IMMP2L: variants seen among roughly 807,000 people sequenced by gnomAD.
IMMP2L encodes mitochondrial inner membrane protease subunit 2.
IMMP2L carries 18 observed loss-of-function variants against 19.3 expected under a neutral mutation model. That is an observed-to-expected ratio of 0.93 (90% CI 0.64 to 1.38). The LOEUF (loss-of-function observed/expected upper bound fraction) is 1.38. IMMP2L is among the 40% of genes most tolerant of loss of function. IMMP2L has a pLI of 0.00. For synonymous variants in IMMP2L, 76 were observed against 73.0 expected, an observed-to-expected ratio of 1.04 and a Z score of -0.21; for missense variants, 233 against 218.2, an observed-to-expected ratio of 1.07 and a Z score of -0.43.
intron 5 of IMMP2L, among the ~76,000 whole-genome samples, chr7:110,778,872 T>A (rs1255250718): frequency 6.6e-6 from 1 of 151,952 alleles, no homozygotes; most frequent in Non-Finnish European, 1.5e-5. Flanking sequence ...AGTGTCTGCC[T>A]ATTTTGTGGT....
chr7:110,986,902 CTT>C (rs2129558900), intron 3 of IMMP2L, among the ~76,000 whole-genome samples: 2 of 151,572 alleles, frequency 1.3e-5, no homozygotes, highest in South Asian at 4.2e-4. Flanking sequence ...CATATTTTAT[CTT>C]TTAAATATTT....
intron 3 of IMMP2L, among the ~76,000 whole-genome samples, chr7:111,145,475 T>C (rs576698787): frequency 7.9e-5 from 12 of 152,280 alleles, no homozygotes; most frequent in Non-Finnish European, 1.3e-4. Context: ...CAAAAGGCCA[T>C]TGCTCTGGTC....
chr7:111,474,931 T>G (rs1841591719), intron 3 of IMMP2L, among the ~76,000 whole-genome samples: 1 of 152,156 alleles, frequency 6.6e-6, no homozygotes, highest in African/African-American at 2.4e-5. Flanking sequence ...CACTGAAATG[T>G]TTCCTACTGT....
In IMMP2L at chr7:111,555,730, T is replaced by C. The variant is rs187697319; in HGVS notation, c.-3+6121A>G. On this transcript the variant is annotated intron_variant, in intron 1 of 5. Transcript: ENST00000405709. Reference sequence around the variant, plus strand: ...TCTTATGGCAAAAAGCAGAATCTATTTCTTTTTTAAGGCTGAATAATATTC... The same window carrying C: ...TCTTATGGCAAAAAGCAGAATCTATCTCTTTTTTAAGGCTGAATAATATTC... Among the ~76,000 whole-genome samples the C allele has an allele frequency of 1.7e-3, 258 of 152,082 alleles. 5 individuals carry two copies. In the East Asian group the frequency reaches 0.04, roughly 24 times the overall value.
intron 5 of IMMP2L, chr7:110,724,212 G>T (rs1795751787): frequency 6.6e-6 from 1 of 152,138 alleles, no homozygotes; most frequent in African/African-American, 2.4e-5. Context: ...GTATAAAACA[G>T]ATTTCAAGTG....
At chr7:110,681,797 G>T (rs1211289600) in intron 5 of IMMP2L, among the ~76,000 whole-genome samples, 1 of 152,076 alleles carries the variant, frequency 6.6e-6, no homozygotes, top group East Asian at 1.9e-4. Context: ...GTGGAGAAGA[G>T]GTTGTAGGAA....
chr7:111,040,848 A>G (rs1177860426), intron 3 of IMMP2L, among the ~76,000 whole-genome samples: 1 of 151,606 alleles, frequency 6.6e-6, no homozygotes, highest in African/African-American at 2.4e-5. Context: ...GATGTATAAG[A>G]TTTTAACTTG....
rs1796055009 is a variant in IMMP2L, at chr7:110,728,625, C to A, written c.409-64904G>T. ...ATTTTATCTAATCACCTCCTAACTA[C>A]TTTCAAACCAACAAACCCAAATATT... is the stretch of plus-strand genomic sequence containing the variant. On this transcript the variant is annotated intron_variant, in intron 5 of 5. Transcript: ENST00000405709. The surrounding 1 kb of genome is among the most constrained non-coding windows in gnomAD (Gnocchi z 4.6). 6.6e-6 allele frequency among the ~76,000 whole-genome samples: 1 copy of A among 152,218 alleles called. No individual in the cohort carries two copies. Among genetic ancestry groups the A allele is most frequent in the South Asian group, 2.1e-4 (1 of 4,830 alleles).
chr7:111,126,557 C>T (rs892840036), intron 3 of IMMP2L, among the ~76,000 whole-genome samples: 2 of 151,994 alleles, frequency 1.3e-5, no homozygotes, highest in African/African-American at 4.8e-5. Context: ...ATTTAAGGCA[C>T]TGGAAACCCA....
intron 5 of IMMP2L, among the ~76,000 whole-genome samples, chr7:110,802,736 G>A (rs1000071989): frequency 1.3e-5 from 2 of 151,936 alleles, no homozygotes; most frequent in African/African-American, 2.4e-5. Flanking sequence ...TAAGAACCAC[G>A]AGAATATAAC....
chr7:110,748,878 C>G (rs188247948), intron 5 of IMMP2L, among the ~76,000 whole-genome samples: 15 of 152,290 alleles, frequency 9.8e-5, no homozygotes, highest in Non-Finnish European at 2.2e-4. Context: ...GCAATGACAT[C>G]AAATGGCAAA....
At chr7:110,731,607 T>C (rs753511303) in intron 5 of IMMP2L, among the ~76,000 whole-genome samples, 7 of 152,182 alleles carry the variant, frequency 4.6e-5, no homozygotes, top group Non-Finnish European at 5.9e-5. Context: ...CTGGTGTCTC[T>C]GTTTTTGTAG....
intron 3 of IMMP2L, among the ~76,000 whole-genome samples, chr7:111,437,148 A>T (rs940023749): frequency 4.0e-5 from 6 of 151,748 alleles, no homozygotes. Flanking sequence ...ATATATCTTT[A>T]AAAAAATACA....
intron 3 of IMMP2L, among the ~76,000 whole-genome samples, chr7:111,400,348 T>A (rs1226158583): frequency 6.6e-6 from 1 of 152,164 alleles, no homozygotes; most frequent in Non-Finnish European, 1.5e-5. Context: ...GGTGAACAAT[T>A]CAGAAATCAG....
chr7:110,895,424 T>C (rs1423472916), intron 4 of IMMP2L, among the ~76,000 whole-genome samples: 1 of 152,186 alleles, frequency 6.6e-6, no homozygotes, highest in Non-Finnish European at 1.5e-5. Context: ...GCCATGATAA[T>C]TGTGGCTTTA....
In IMMP2L at chr7:111,504,242, T is replaced by C. The variant is rs910402615; in HGVS notation, c.136-16901A>G. Reference sequence around the variant, plus strand: ...CACAATTGCTTCAAAGAGAATAAAATACCTAGGAATCCAACTTACAAGGGA... The same window carrying C: ...CACAATTGCTTCAAAGAGAATAAAACACCTAGGAATCCAACTTACAAGGGA... On this transcript the variant is annotated intron_variant, in intron 2 of 5. Coordinates refer to ENST00000405709, the MANE Select transcript of IMMP2L (RefSeq NM_032549.4). 5.6e-3 allele frequency among the ~76,000 whole-genome samples: 856 copies of C among 152,098 alleles called. 4 individuals carry two copies. The highest frequency in any genetic ancestry group is 0.017 in the Middle Eastern group (5 of 294).
At chr7:111,007,669 A>G (rs1824445224) in intron 3 of IMMP2L, among the ~76,000 whole-genome samples, 1 of 152,052 alleles carries the variant, frequency 6.6e-6, no homozygotes, top group Non-Finnish European at 1.5e-5. Context: ...ACACATATAG[A>G]CATGTATGTA....
intron 3 of IMMP2L, among the ~76,000 whole-genome samples, chr7:111,242,597 G>C (rs1014940397): frequency 1.3e-5 from 2 of 151,998 alleles, no homozygotes; most frequent in African/African-American, 2.4e-5. Flanking sequence ...ATTTCACCTA[G>C]TGAGCTATTC....
intron 5 of IMMP2L, among the ~76,000 whole-genome samples, chr7:110,780,608 G>A (rs796065459): frequency 1.3e-5 from 2 of 150,994 alleles, no homozygotes; most frequent in Non-Finnish European, 3.0e-5. Flanking sequence ...CCTTCCCCAC[G>A]TTGCCAACTC....
Sources: gnomAD v4.1 joint callset for allele counts (sites outside exome capture counted in the v4.1 genomes callset) on GRCh38, gnomAD v4.1.1 for gene constraint, Gnocchi (gnomAD v3.1) non-coding constraint, MANE v1.5 for transcripts, NCBI Gene and HGNC (gene_info 2026-07-23, HGNC 2026-07-21) for gene names.